The following MATN4 variants were observed in gnomAD, a reference collection of about 807,000 sequenced individuals.
MATN4 encodes matrilin-4.
Under a neutral mutation model 54.6 loss-of-function variants are expected in MATN4, and 40 were observed. The observed-to-expected ratio is 0.73, with a 90% CI of 0.57 to 0.95. The LOEUF is 0.95. Ranked by LOEUF, MATN4 falls within the 40% of genes least tolerant of loss-of-function variation. The probability of loss-of-function intolerance (pLI) is 0.00; values close to 1 mark genes in which losing one functional copy is unlikely to be tolerated. For missense variants in MATN4, 810 were observed against 819.1 expected (o/e 0.99, Z 0.13); for synonymous variants, 351 against 345.3 (o/e 1.02, Z -0.18).
chr20:45,300,492 A>T (rs1014030040), intron 6 of MATN4, among the ~76,000 whole-genome samples: 2 of 152,006 alleles, frequency 1.3e-5, no homozygotes, highest in Admixed American at 6.6e-5. Flanking sequence ...CAGGCAGTAA[A>T]CTCTATATTG....
chr20:45,304,135 C>T, intron 3 of MATN4, 93 bp downstream of exon 3: 1 of 1,166,456 alleles, frequency 8.6e-7, no homozygotes, highest in Non-Finnish European at 1.2e-6. Context: ...ATCGCGGGGC[C>T]ACCCCCACGG....
rs774016973 is a variant in MATN4 at position 45,297,981 on chromosome 20, A to G, written c.1516T>C (p.Tyr506His). ...GTCATGGTGCCGAAGTCCGGGGCAT[A>G]GGACACGTGCAGTTCCGCTGGCTCC... is the stretch of plus-strand genomic sequence containing the variant. Reference protein sequence around the residue: ...ASEPAELHVSYAPDFGTMTHL... With the variant: ...ASEPAELHVSHAPDFGTMTHL... The change falls in exon 8 of 10, where the codon TAT becomes CAT. Residue 506 changes from tyrosine (Y) to histidine (H), a missense_variant. By Grantham distance (83) the Tyr-to-His change is moderately conservative (BLOSUM62 2). Transcript: ENST00000372756. 1.9e-5 allele frequency: 31 copies of G among 1,613,980 alleles called. No individual in the cohort carries two copies. In the Admixed American group the frequency reaches 5.0e-4, roughly 26 times the overall value.
In MATN4 at chr20:45,301,331, C is replaced by T. The variant is rs1431987647; in HGVS notation, c.756G>A (p.Arg252=). The change falls in exon 4 of 10, where the codon AGG becomes AGA. Residue 252 remains arginine (R), a synonymous_variant. Transcript: ENST00000372756. The part of the protein sequence containing the change: ...QVGFVLQQDQ[R]SCRAIDYCSF... ...GGGGGTGTTGCTCACCCCTGCAGCT[C>T]CTCTGGTCCTGCTGGAGTACAAAGC... 2.5e-6 allele frequency: 4 copies of T among 1,614,042 alleles called. No individual in the cohort carries two copies. The African/African-American group carries it at 4.0e-5, about 16-fold the overall frequency.
chr20:45,308,130 T>C (rs768913058), intron 1 of MATN4, 45 bp downstream of exon 1: 36 of 1,596,126 alleles, frequency 2.3e-5, no homozygotes, highest in Non-Finnish European at 3.0e-5. Context: ...GCTTGATGCC[T>C]ACTCCCCTGC....
At chr20:45,294,083 G>A in intron 8 of MATN4, 68 bp from the exon 9 acceptor site, 1 of 1,232,670 alleles carries the variant, frequency 8.1e-7, no homozygotes, top group South Asian at 1.2e-5. Flanking sequence ...TGATTTCCCT[G>A]CACTGGGCCT....
intron 3 of MATN4, chr20:45,303,618 G>C (rs1209932204): frequency 4.9e-6 from 3 of 615,716 alleles, no homozygotes; most frequent in Non-Finnish European, 9.1e-6. Context: ...CCCTCAAATG[G>C]CTTTCAGAAG....
chr20:45,299,232 C>T (rs1345600089), intron 6 of MATN4, among the ~76,000 whole-genome samples: 2 of 152,114 alleles, frequency 1.3e-5, no homozygotes, highest in Admixed American at 6.5e-5. Flanking sequence ...TGTGTGTTGG[C>T]GTGGGGAGGT....
At chr20:45,308,103 T>C in intron 1 of MATN4, 72 bp downstream of exon 1, 1 of 1,458,462 alleles carries the variant, frequency 6.9e-7, no homozygotes, top group Non-Finnish European at 9.6e-7. Flanking sequence ...TCTGCTAAAA[T>C]ACACTCGCCT....
At chr20:45,308,409 A>T, upstream of MATN4, 1 of 599,236 alleles carries the variant, frequency 1.7e-6, no homozygotes, top group Non-Finnish European at 3.0e-6. Context: ...CTTCCTCCTG[A>T]GGGGGGGCAA....
Position 45,293,749 on chromosome 20 carries a change from C to G in MATN4, c.*18G>C, listed in dbSNP as rs1985621058. 3.8e-6 allele frequency: 6 copies of G among 1,599,732 alleles called. No individual in the cohort carries two copies. Among genetic ancestry groups the G allele is most frequent in the Non-Finnish European group, 4.2e-6 (5 of 1,177,278 alleles). ...CGTGGTGCCGCGCCCCAGCCCGGGT[C>G]TGGGCCGTCCGTGGCCCTCACTTCT... On this transcript the variant is annotated 3_prime_UTR_variant, in exon 10 of 10. Transcript: ENST00000372756.
At chr20:45,307,478 G>A (rs1038536118) in intron 1 of MATN4, among the ~76,000 whole-genome samples, 2 of 152,190 alleles carry the variant, frequency 1.3e-5, no homozygotes, top group Non-Finnish European at 2.9e-5. Flanking sequence ...GGGAACCCTT[G>A]TCAAGCTTGG....
Position 45,293,693 on chromosome 20 carries a change from G to T in MATN4, c.*74C>A, listed in dbSNP as rs765022609. 51 of 1,390,028 alleles carry T rather than the reference G, an allele frequency of 3.7e-5. No individual in the cohort carries two copies. Among genetic ancestry groups the T allele is most frequent in the Non-Finnish European group, 4.5e-5 (47 of 1,040,128 alleles). 86.1% of individuals were successfully genotyped at this position (1,390,028 alleles called of 1,614,324 possible). ...ACGGGCCCAGGTTCTGCCTGGCCCC[G>T]GCGCACCGATGGCGCGCAAGGGGCA... On this transcript the variant is annotated 3_prime_UTR_variant, in exon 10 of 10. Transcript: ENST00000372756.
At chr20:45,300,719 A>G in intron 6 of MATN4, among the ~76,000 whole-genome samples, 168 bp downstream of exon 6, 1 of 152,226 alleles carries the variant, frequency 6.6e-6, no homozygotes, top group South Asian at 2.1e-4. Flanking sequence ...AGAGGATTGT[A>G]GGAAAGAGAT....
At position 45,304,640 on chromosome 20, in the gene MATN4, C is replaced by T. The variant is rs748866952; in HGVS notation, c.231G>A (p.Gln77=). The T allele has an allele frequency of 6.2e-7, 1 of 1,610,390 alleles. No homozygotes were observed. Among genetic ancestry groups the T allele is most frequent in the South Asian group, 1.1e-5 (1 of 91,002 alleles). ...GPNATRVGVI[Q]YSSQVQSVFP... ...AGACGCTCTGCACTTGACTCGAATA[C>T]TGGATCACGCCAACGCGCGTGGCGT... Residue 77 remains glutamine, a synonymous_variant, in exon 3 of 10, where the codon CAG becomes CAA. Coordinates refer to ENST00000372756, the MANE Select transcript of MATN4 (RefSeq NM_001393530.1).
rs944648032 is a variant in MATN4 at position 45,303,094 on chromosome 20, AAAAAAAAAAAG to A, written c.643+1123_643+1133del. ...CCAGACTCTGTCTCAAAAAAAAAAA[AAAAAAAAAAAG>A]AGAGAGAGAAAAGAAAAGAAGAAAA... On this transcript the variant is annotated intron_variant, in intron 3 of 9. Transcript: ENST00000372756. Among the ~76,000 whole-genome samples the A allele has an allele frequency of 2.4e-4, 35 of 147,808 alleles. No homozygotes were observed. The South Asian group carries it at 2.6e-3, about 11-fold the overall frequency.
At position 45,305,531 on chromosome 20, in the gene MATN4, C is replaced by T; in HGVS notation, c.52G>A (p.Glu18Lys). 1 of 1,556,932 alleles carries T rather than the reference C, an allele frequency of 6.4e-7. No individual in the cohort carries two copies. The highest frequency in any genetic ancestry group is 8.7e-7 in the Non-Finnish European group (1 of 1,150,152). Residue 18 changes from glutamate (E) to lysine (K), a missense_variant, in exon 2 of 10, where the codon GAA becomes AAA. Physicochemically the swap from Glu to Lys is moderately conservative, Grantham distance 56. Coordinates refer to ENST00000372756, the MANE Select transcript of MATN4 (RefSeq NM_001393530.1). ...PVLLLLLQPW[E>K]TQLQLTGPRC... is the part of the protein sequence containing the mutation. ...TCACCTGTCAACTGGAGCTGGGTTTCCCAGGGCTGAAGAAGGAGCAGCAAC... is the reference window on the plus strand; with the variant it reads ...TCACCTGTCAACTGGAGCTGGGTTTTCCAGGGCTGAAGAAGGAGCAGCAAC...
chr20:45,307,423 G>A (rs1346003122), intron 1 of MATN4, among the ~76,000 whole-genome samples: 1 of 152,168 alleles, frequency 6.6e-6, no homozygotes, highest in African/African-American at 2.4e-5. Context: ...GTCGTGGGAG[G>A]GTGACCAAGC....
chr20:45,300,957 GCT>G lies in MATN4; in HGVS notation c.940_941del (p.Ser314ArgfsTer37), dbSNP rs1568875360. The G allele has an allele frequency of 3.7e-6, 6 of 1,614,014 alleles. No homozygotes were observed. The South Asian group carries it at 6.6e-5, about 18-fold the overall frequency. The stretch of plus-strand genomic sequence containing the variant: ...ACAGGCAGCGGTAGGAGAGGCCCTC[GCT>G]CACACACTGGAACTCACAGCCATGG... The part of the protein sequence containing the change: ...VDHGCEFQCV[S>X]EGLSYRCLCP... On this transcript the variant is annotated frameshift_variant, in exon 6 of 10. Transcript: ENST00000372756. LOFTEE classifies it high-confidence loss of function.
chr20:45,305,805 C>CTTTTTATTTTTTTTTTTTTT (rs1986596112), intron 1 of MATN4, among the ~76,000 whole-genome samples, 189 bp from the exon 2 acceptor site: 1 of 64,676 alleles, frequency 1.5e-5, no homozygotes, highest in Non-Finnish European at 2.6e-5. Context: ...ACAAGAGATT[C>CTTTTTATTTTTTTTTTTTTT]TTTTTTTTTT....
Sources: gnomAD v4.1 joint callset for allele counts (sites outside exome capture counted in the v4.1 genomes callset) on GRCh38, gnomAD v4.1.1 for gene constraint, MANE v1.5 for transcripts, NCBI Gene and HGNC (gene_info 2026-07-23, HGNC 2026-07-21) for gene names.